The following ARHGEF10L variants were observed in gnomAD, a reference collection of about 807,000 sequenced individuals.
ARHGEF10L encodes the protein Rho guanine nucleotide exchange factor 10 like, also known as rho guanine nucleotide exchange factor 10-like protein.
In ARHGEF10L, 69 loss-of-function variants were observed where a neutral mutation model predicts 141.2. The ratio of observed to expected loss-of-function variants is 0.49; its 90% confidence interval spans 0.40 to 0.60. The LOEUF (loss-of-function observed/expected upper bound fraction) is 0.60. ARHGEF10L is among the 20% of genes least tolerant of loss of function. The pLI is 0.00. For synonymous variants in ARHGEF10L, 711 were observed against 718.5 expected, an observed-to-expected ratio of 0.99 and a Z score of 0.17; for missense variants, 1,482 against 1,734.3, an observed-to-expected ratio of 0.85 and a Z score of 2.58.
chr1:17,571,010 C>T (rs1474910679), intron 1 of ARHGEF10L, among the ~76,000 whole-genome samples: 1 of 151,976 alleles, frequency 6.6e-6, no homozygotes, highest in African/African-American at 2.4e-5. Context: ...GCTGAGATGC[C>T]CGATCAATCA....
intron 10 of ARHGEF10L, among the ~76,000 whole-genome samples, chr1:17,620,205 CAAA>C (rs71575849): frequency 3.4e-5 from 4 of 117,464 alleles, no homozygotes; most frequent in Non-Finnish European, 3.5e-5. Flanking sequence ...GACTCTGTCT[CAAA>C]AAAAAAAAAA....
chr1:17,594,381 AC>A (rs1277221520), intron 4 of ARHGEF10L, among the ~76,000 whole-genome samples: 1 of 152,144 alleles, frequency 6.6e-6, no homozygotes, highest in Admixed American at 6.5e-5. Context: ...CTCTGGTGCA[AC>A]CGTCTCCCAC....
In ARHGEF10L at chr1:17,654,768, G is replaced by A; in HGVS notation, c.2481+46G>A. 1 of 1,559,392 alleles carries A rather than the reference G, an allele frequency of 6.4e-7. No homozygotes were observed. Among genetic ancestry groups the A allele is most frequent in the Non-Finnish European group, 8.8e-7 (1 of 1,133,454 alleles). ...GCTGGGCATTCTGGCCTCAGGACAG[G>A]AGTAGGGAGAGCGGCACCTGGGAGG... On this transcript the variant is annotated intron_variant, in intron 23 of 28. Transcript: ENST00000361221. This position sits in a 1 kb window ranked among gnomAD's most constrained non-coding sequence, Gnocchi z 4.3.
At chr1:17,564,865 A>G (rs944055186) in intron 1 of ARHGEF10L, among the ~76,000 whole-genome samples, 1 of 152,154 alleles carries the variant, frequency 6.6e-6, no homozygotes, top group Non-Finnish European at 1.5e-5. Context: ...GAGCCACTGC[A>G]TTTCTGCTGT....
chr1:17,548,517 C>A (rs1193875444), intron 1 of ARHGEF10L, among the ~76,000 whole-genome samples: 1 of 151,974 alleles, frequency 6.6e-6, no homozygotes, highest in African/African-American at 2.4e-5. Context: ...GAGGGGTACA[C>A]CTTTGCAAAT....
intron 1 of ARHGEF10L, among the ~76,000 whole-genome samples, chr1:17,574,694 G>T (rs1361177345): frequency 1.3e-5 from 2 of 152,146 alleles, no homozygotes; most frequent in East Asian, 1.9e-4. Context: ...CTATAGCTCT[G>T]CCTGTGTTTT....
At chr1:17,539,583 C>T (rs2076640288), upstream of ARHGEF10L, among the ~76,000 whole-genome samples, 1 of 151,850 alleles carries the variant, frequency 6.6e-6, no homozygotes, top group East Asian at 2.0e-4. The surrounding 1 kb of genome is among the most constrained non-coding windows in gnomAD (Gnocchi z 6.0). Context: ...GCCACGTCTC[C>T]CTCGCGGCGC....
chr1:17,618,601 C>T, intron 9 of ARHGEF10L: 1 of 1,082,696 alleles, frequency 9.2e-7, no homozygotes, highest in Non-Finnish European at 1.2e-6. Flanking sequence ...CCAGCTTCCT[C>T]ACAGCTCCCA....
At chr1:17,530,751 C>T in the ARHGEF10L span, among the ~76,000 whole-genome samples, 2 of 152,042 alleles carry the variant, frequency 1.3e-5, no homozygotes, top group Non-Finnish European at 2.9e-5. Flanking sequence ...CGTGGTGGCT[C>T]ACGCCTGTAA....
chr1:17,574,508 A>G (rs1032705786), intron 1 of ARHGEF10L, among the ~76,000 whole-genome samples: 4 of 152,180 alleles, frequency 2.6e-5, no homozygotes, highest in East Asian at 1.9e-4. Context: ...GTGTTGTCCA[A>G]TGTCATCTTA....
Position 17,654,648 on chromosome 1 carries a change from G to A in ARHGEF10L, c.2407G>A (p.Val803Ile). 2 of 1,614,160 alleles carry A rather than the reference G, an allele frequency of 1.2e-6. No homozygotes were observed. The highest frequency in any genetic ancestry group is 1.1e-5 in the South Asian group (1 of 91,084). Residue 803 changes from valine (V) to isoleucine (I), a missense_variant, in exon 23 of 29, where the codon GTC (valine) becomes ATC (isoleucine). By Grantham distance (29) the Val-to-Ile change is conservative (BLOSUM62 3). This residue lies in a region of ARHGEF10L where 858 missense variants were observed against 966.3 expected (regional missense o/e 0.89). Coordinates refer to ENST00000361221, the MANE Select transcript of ARHGEF10L (RefSeq NM_018125.4). The surrounding 1 kb of genome is among the most constrained non-coding windows in gnomAD (Gnocchi z 4.3). The part of the protein sequence containing the change: ...RALSLQLGAL[V>I]HSPVNCPLLG... ...TCTGTCTCTGCAGCTTGGGGCCCTG[G>A]TCCACAGTCCTGTCAACTGTCCCCT...
intron 4 of ARHGEF10L, among the ~76,000 whole-genome samples, chr1:17,601,066 A>AC (rs1427948594): frequency 0.011 from 1,356 of 120,530 alleles, 16 homozygotes; most frequent in African/African-American, 0.039. Context: ...AAAAAAAAAA[A>AC]AACAAAAAAC....
chr1:17,604,022 C>G (rs546048028), intron 6 of ARHGEF10L, among the ~76,000 whole-genome samples: 1 of 152,076 alleles, frequency 6.6e-6, no homozygotes, highest in Non-Finnish European at 1.5e-5. Context: ...CGATTGTGGC[C>G]GCAGAAGGGA....
At position 17,654,837 on chromosome 1, in the gene ARHGEF10L, C is replaced by T. The variant is rs980793531; in HGVS notation, c.2481+115C>T. Reference sequence around the variant, plus strand: ...CTGCCTGCCTCATCTCATGCAGCTTCATCCACCAAGGTCTTCCTGGGCACC... The same window carrying T: ...CTGCCTGCCTCATCTCATGCAGCTTTATCCACCAAGGTCTTCCTGGGCACC... On this transcript the variant is annotated intron_variant, in intron 23 of 28. Coordinates refer to ENST00000361221, the MANE Select transcript of ARHGEF10L (RefSeq NM_018125.4). This position sits in a 1 kb window ranked among gnomAD's most constrained non-coding sequence, Gnocchi z 4.3. The T allele has an allele frequency of 9.9e-7, 1 of 1,014,412 alleles. No individual in the cohort carries two copies. Among genetic ancestry groups the T allele is most frequent in the African/African-American group, 1.6e-5 (1 of 63,484 alleles). 62.8% of individuals were successfully genotyped at this position (1,014,412 alleles called of 1,614,324 possible). A position where few individuals can be genotyped will look rare whatever the true frequency, so the allele number is the denominator to read the frequency against.
At chr1:17,682,348 C>A (rs1394052306) in intron 26 of ARHGEF10L, among the ~76,000 whole-genome samples, 1 of 152,160 alleles carries the variant, frequency 6.6e-6, no homozygotes, top group Non-Finnish European at 1.5e-5. Context: ...CCCTGGTTCC[C>A]AATAACATCA....
intron 26 of ARHGEF10L, among the ~76,000 whole-genome samples, chr1:17,676,484 G>T (rs1346941742): frequency 1.3e-5 from 2 of 151,980 alleles, no homozygotes; most frequent in African/African-American, 4.8e-5. Context: ...GAGTTGTCTG[G>T]ATTCCACCAT....
At chr1:17,563,677 G>A (rs2077633690) in intron 1 of ARHGEF10L, among the ~76,000 whole-genome samples, 1 of 152,180 alleles carries the variant, frequency 6.6e-6, no homozygotes, top group Non-Finnish European at 1.5e-5. Context: ...TCTCAGGAGT[G>A]TCATGACACC....
rs745992449 is a variant in ARHGEF10L at position 17,623,755 on chromosome 1, A to G, written c.1200+580A>G. 5.9e-5 allele frequency among the ~76,000 whole-genome samples: 9 copies of G among 152,196 alleles called. No individual in the cohort carries two copies. Among genetic ancestry groups the G allele is most frequent in the Non-Finnish European group, 8.8e-5 (6 of 68,030 alleles). On this transcript the variant is annotated intron_variant, in intron 12 of 28. Transcript: ENST00000361221. The surrounding 1 kb of genome is among the most constrained non-coding windows in gnomAD (Gnocchi z 4.7). ...GCGGACCCCAGATGTTCATGGGGTG[A>G]GGGAAGGTCAAGTTGGTAGCACTCT...
intron 25 of ARHGEF10L, among the ~76,000 whole-genome samples, chr1:17,659,670 T>C (rs888967708): frequency 2.6e-5 from 4 of 152,246 alleles, no homozygotes; most frequent in Admixed American, 6.5e-5. Context: ...ACCCCTCATC[T>C]TCGTCTAGAA....
Sources: gnomAD v4.1 joint callset for allele counts (sites outside exome capture counted in the v4.1 genomes callset) on GRCh38, gnomAD v4.1.1 for gene constraint, gnomAD v4.1.1 regional missense constraint, Gnocchi (gnomAD v3.1) non-coding constraint, MANE v1.5 for transcripts, NCBI Gene and HGNC (gene_info 2026-07-23, HGNC 2026-07-21) for gene names.